Variants in SLC2A13 observed in about 807,000 individuals in gnomAD.
SLC2A13 encodes proton myo-inositol cotransporter.
A neutral mutation model predicts 64.4 loss-of-function variants in SLC2A13; 32 were observed. The observed-to-expected ratio is 0.50, with a 90% CI of 0.37 to 0.67. The LOEUF (loss-of-function observed/expected upper bound fraction) is 0.67. Among genes scored for constraint, SLC2A13 ranks in the 30% least tolerant of loss-of-function variants. SLC2A13 has a pLI of 0.00. For missense variants in SLC2A13, 743 were observed against 829.2 expected (o/e 0.90, Z 1.28); for synonymous variants, 338 against 327.1 (o/e 1.03, Z -0.36).
At chr12:40,069,744 A>G (rs1344758423) in intron 1 of SLC2A13, among the ~76,000 whole-genome samples, 1 of 152,134 alleles carries the variant, frequency 6.6e-6, no homozygotes, top group Non-Finnish European at 1.5e-5. Context: ...ATGTTTTAAA[A>G]TCTAATTATT....
chr12:39,764,656 G>T (rs1940284021), intron 8 of SLC2A13, 44 bp from the exon 9 acceptor site: 1 of 1,581,110 alleles, frequency 6.3e-7, no homozygotes, highest in Non-Finnish European at 8.6e-7. Context: ...TAGCATGTAA[G>T]AAATTTGAAA....
At chr12:40,104,508 T>A (rs1158826135) in intron 1 of SLC2A13, among the ~76,000 whole-genome samples, 1 of 152,062 alleles carries the variant, frequency 6.6e-6, no homozygotes, top group African/African-American at 2.4e-5. Flanking sequence ...ATTAAGGAAG[T>A]GAATATGACC....
At chr12:40,089,997 CT>C (rs1388608341) in intron 1 of SLC2A13, among the ~76,000 whole-genome samples, 5 of 150,820 alleles carry the variant, frequency 3.3e-5, no homozygotes, top group South Asian at 2.1e-4. Flanking sequence ...ATGTTTGCTT[CT>C]TTTTTTTTAT....
At chr12:40,075,900 C>A (rs1472970801) in intron 1 of SLC2A13, among the ~76,000 whole-genome samples, 1 of 152,042 alleles carries the variant, frequency 6.6e-6, no homozygotes, top group Non-Finnish European at 1.5e-5. Flanking sequence ...ATCCATTTTC[C>A]ATTTGAGTCC....
At chr12:39,848,742 T>A (rs1261456203) in intron 6 of SLC2A13, among the ~76,000 whole-genome samples, 1 of 152,134 alleles carries the variant, frequency 6.6e-6, no homozygotes, top group Non-Finnish European at 1.5e-5. Flanking sequence ...TGTACCACTA[T>A]CCACAATAGC....
chr12:39,978,592 C>A (rs1166483109), intron 3 of SLC2A13, among the ~76,000 whole-genome samples: 1 of 152,148 alleles, frequency 6.6e-6, no homozygotes, highest in African/African-American at 2.4e-5. Flanking sequence ...GTCACTCCCA[C>A]CCGAATATGG....
chr12:39,980,378 C>G (rs894497935), intron 3 of SLC2A13, among the ~76,000 whole-genome samples: 3 of 152,030 alleles, frequency 2.0e-5, no homozygotes, highest in Non-Finnish European at 2.9e-5. Flanking sequence ...CACAGACTGG[C>G]AAGTTGGATA....
At chr12:39,998,556 G>T (rs541514855) in intron 3 of SLC2A13, among the ~76,000 whole-genome samples, 10 of 152,316 alleles carry the variant, frequency 6.6e-5, no homozygotes, top group South Asian at 2.1e-4. Context: ...TCAGACTTGT[G>T]TGAGACCTGT....
chr12:39,800,637 C>T (rs2135784465), intron 7 of SLC2A13, among the ~76,000 whole-genome samples: 1 of 39,466 alleles, frequency 2.5e-5, no homozygotes, highest in Non-Finnish European at 5.1e-5. Context: ...AACACTTTTA[C>T]ACTGTTGGTG....
intron 3 of SLC2A13, among the ~76,000 whole-genome samples, chr12:40,002,969 A>C (rs770389025): frequency 1.3e-5 from 2 of 152,224 alleles, no homozygotes; most frequent in African/African-American, 4.8e-5. Context: ...ATTTACATCC[A>C]TGATTTGTAC....
At chr12:40,023,514 T>G (rs1947756233) in intron 3 of SLC2A13, among the ~76,000 whole-genome samples, 1 of 152,220 alleles carries the variant, frequency 6.6e-6, no homozygotes. Flanking sequence ...ATAAAGCACA[T>G]GAAAACACAC....
At chr12:40,033,551 T>G (rs1947935313) in intron 2 of SLC2A13, among the ~76,000 whole-genome samples, 1 of 152,212 alleles carries the variant, frequency 6.6e-6, no homozygotes, top group African/African-American at 2.4e-5. Context: ...ATCCTGTGAT[T>G]TTCTCAACAC....
chr12:39,871,798 C>A lies in SLC2A13; in HGVS notation c.1198G>T (p.Gly400Cys). Residue 400 changes from glycine to cysteine, a missense_variant and splice_region_variant, in exon 5 of 10, where the codon GGT (glycine) becomes TGT (cysteine). Physicochemically the swap from Gly to Cys is radical, Grantham distance 159 (BLOSUM62 -3). This residue lies in a region of SLC2A13 where 295 missense variants were observed against 381.7 expected (regional missense o/e 0.77). Transcript: ENST00000280871. ...RRKLTFGSLA[G>C]TTVALIILAL... is the part of the protein sequence containing the mutation. The stretch of plus-strand genomic sequence containing the variant: ...TTGAATTCTTTATCCAGCCACCTAC[C>A]TGCTAAACTACCAAAGGTAAGCTTT... The A allele has an allele frequency of 6.3e-7, 1 of 1,596,524 alleles. No individual in the cohort carries two copies. The highest frequency in any genetic ancestry group is 8.5e-7 in the Non-Finnish European group (1 of 1,173,020).
At chr12:39,825,419 C>T (rs1020744496) in intron 7 of SLC2A13, among the ~76,000 whole-genome samples, 4 of 152,134 alleles carry the variant, frequency 2.6e-5, no homozygotes, top group African/African-American at 9.7e-5. Flanking sequence ...TACTCAGTTG[C>T]TGCTCCCCTA....
chr12:39,902,395 TGAAGA>T (rs1945150465), intron 4 of SLC2A13, among the ~76,000 whole-genome samples: 1 of 151,820 alleles, frequency 6.6e-6, no homozygotes, highest in African/African-American at 2.4e-5. Context: ...TACATACACA[TGAAGA>T]GAACTATTTT....
At chr12:39,774,211 C>T (rs1341260424) in intron 7 of SLC2A13, among the ~76,000 whole-genome samples, 1 of 152,166 alleles carries the variant, frequency 6.6e-6, no homozygotes, top group Non-Finnish European at 1.5e-5. Flanking sequence ...CACCTTCACT[C>T]TTATCTGAGG....
intron 7 of SLC2A13, among the ~76,000 whole-genome samples, chr12:39,806,386 C>G (rs1941980050): frequency 6.6e-6 from 1 of 152,184 alleles, no homozygotes; most frequent in African/African-American, 2.4e-5. Context: ...CCCTTTTTCA[C>G]TCACAGAAGA....
intron 9 of SLC2A13, 114 bp downstream of exon 9, chr12:39,764,346 A>ACTT: frequency 1.0e-6 from 1 of 961,982 alleles, no homozygotes. Flanking sequence ...ACATGGAGAT[A>ACTT]CTTATAACAG....
At chr12:40,065,712 TA>T (rs1937694021) in intron 1 of SLC2A13, among the ~76,000 whole-genome samples, 1 of 152,234 alleles carries the variant, frequency 6.6e-6, no homozygotes, top group African/African-American at 2.4e-5. Flanking sequence ...TTTCAGAGGA[TA>T]CAAATATTCT....
Sources: gnomAD v4.1 joint callset for allele counts (sites outside exome capture counted in the v4.1 genomes callset) on GRCh38, gnomAD v4.1.1 for gene constraint, gnomAD v4.1.1 regional missense constraint, MANE v1.5 for transcripts, NCBI Gene and HGNC (gene_info 2026-07-23, HGNC 2026-07-21) for gene names.